Variants in SGCZ observed in about 807,000 individuals in gnomAD.
SGCZ encodes the protein zeta-sarcoglycan.
Under a neutral mutation model 41.3 loss-of-function variants are expected in SGCZ, and 40 were observed. That is an observed-to-expected ratio of 0.97 (90% CI 0.75 to 1.26). The LOEUF (loss-of-function observed/expected upper bound fraction) is 1.26, where lower values mean the gene tolerates loss of function less well. Among genes scored for constraint, SGCZ ranks in the 50% most tolerant of loss-of-function variants. SGCZ has a pLI of 0.00. For synonymous variants in SGCZ, 206 were observed against 137.5 expected (o/e 1.50, Z -3.49); for missense variants, 552 against 369.8 (o/e 1.49, Z -4.04).
intron 1 of SGCZ, among the ~76,000 whole-genome samples, chr8:14,806,006 G>A (rs1801511309): frequency 6.6e-6 from 1 of 150,946 alleles, no homozygotes; most frequent in Admixed American, 6.6e-5. Context: ...AATGAAGGCA[G>A]AAATAAAGAT....
intron 2 of SGCZ, among the ~76,000 whole-genome samples, chr8:14,416,403 T>C (rs1159704238): frequency 6.6e-6 from 1 of 151,818 alleles, no homozygotes; most frequent in African/African-American, 2.4e-5. Flanking sequence ...ATATTAGGAG[T>C]ATAAGCAAGA....
intron 1 of SGCZ, among the ~76,000 whole-genome samples, chr8:14,768,648 C>T (rs1030989506): frequency 6.6e-6 from 1 of 152,130 alleles, no homozygotes; most frequent in Non-Finnish European, 1.5e-5. Context: ...CACGTAGTCA[C>T]CATTTCTCAC....
chr8:14,618,079 A>G (rs1347085260), intron 1 of SGCZ, among the ~76,000 whole-genome samples: 1 of 136,228 alleles, frequency 7.3e-6, no homozygotes, highest in African/African-American at 2.6e-5. Context: ...ATGCCTTTTC[A>G]TATATCCAAC....
rs147116869 is a variant in SGCZ, at chr8:14,655,488, G to A, written c.40-100562C>T. Among the ~76,000 whole-genome samples, 207 of 152,194 alleles carry A rather than the reference G, an allele frequency of 1.4e-3. 2 individuals carry two copies. Among genetic ancestry groups the A allele is most frequent in the African/African-American group, 4.7e-3 (195 of 41,506 alleles). On this transcript the variant is annotated intron_variant, in intron 1 of 7. Coordinates refer to ENST00000382080, the MANE Select transcript of SGCZ (RefSeq NM_139167.4). ...ATTTCCAATGTGGTTTATATTAAAA[G>A]ATGTTATGAAAAATTCAACTTTGGT...
intron 2 of SGCZ, among the ~76,000 whole-genome samples, chr8:14,426,013 T>A (rs1799772920): frequency 6.6e-6 from 1 of 152,200 alleles, no homozygotes; most frequent in Admixed American, 6.5e-5. Context: ...TTAATTAACA[T>A]TAATTGCAAT....
intron 7 of SGCZ, among the ~76,000 whole-genome samples, chr8:14,094,064 C>T (rs1801769902): frequency 1.3e-5 from 2 of 152,048 alleles, no homozygotes. Flanking sequence ...AACCCACCTC[C>T]CAACAAAGCC....
At chr8:14,408,950 A>AGTGTGTGTGTGTGTGTGTGTGT (rs36121697) in intron 2 of SGCZ, among the ~76,000 whole-genome samples, 6 of 126,432 alleles carry the variant, frequency 4.7e-5, no homozygotes, top group South Asian at 2.4e-4. Context: ...TTAAATTAAG[A>AGTGTGTGTGTGTGTGTGTGTGT]GAGTGTGTGT....
At chr8:14,998,858 A>T (rs1802311044) in intron 1 of SGCZ, among the ~76,000 whole-genome samples, 2 of 152,202 alleles carry the variant, frequency 1.3e-5, no homozygotes, top group Non-Finnish European at 2.9e-5. Context: ...ATGTCTCTAT[A>T]TCATCCTAGC....
intron 1 of SGCZ, among the ~76,000 whole-genome samples, chr8:14,733,987 C>G (rs1238941913): frequency 6.6e-6 from 1 of 152,198 alleles, no homozygotes; most frequent in Non-Finnish European, 1.5e-5. Flanking sequence ...TATCTTCACT[C>G]CATAAATCAG....
intron 2 of SGCZ, among the ~76,000 whole-genome samples, chr8:14,456,683 G>A (rs760714498): frequency 1.1e-4 from 16 of 152,066 alleles, no homozygotes; most frequent in South Asian, 2.1e-4. Flanking sequence ...GAACTGTATC[G>A]CACTTTTCTG....
intron 2 of SGCZ, among the ~76,000 whole-genome samples, chr8:14,518,195 AT>A (rs952090569): frequency 5.3e-4 from 81 of 152,126 alleles, no homozygotes; most frequent in African/African-American, 1.9e-3. Context: ...GTAAGGGAAG[AT>A]TTTTAATAAA....
intron 4 of SGCZ, among the ~76,000 whole-genome samples, chr8:14,170,914 C>G (rs1804359276): frequency 1.3e-5 from 2 of 151,984 alleles, no homozygotes; most frequent in African/African-American, 4.8e-5. Context: ...TTGTGATTAA[C>G]TGCATTTCAG....
intron 1 of SGCZ, among the ~76,000 whole-genome samples, chr8:14,733,998 T>G (rs1183238233): frequency 6.6e-6 from 1 of 152,140 alleles, no homozygotes; most frequent in East Asian, 1.9e-4. Flanking sequence ...CATAAATCAG[T>G]TAATGGAGAA....
In SGCZ at chr8:14,304,156, A is replaced by G. The variant is rs557464917; in HGVS notation, c.336+19947T>C. On this transcript the variant is annotated intron_variant, in intron 3 of 7. Coordinates refer to ENST00000382080, the MANE Select transcript of SGCZ (RefSeq NM_139167.4). ...AGCATTCCTATTTTCAAATGAAAAT[A>G]TAGGTGCTGGATGTTGTAGCTCCCA... Among the ~76,000 whole-genome samples the G allele has an allele frequency of 3.9e-5, 6 of 152,240 alleles. No homozygotes were observed. The South Asian group carries it at 8.3e-4, about 21-fold the overall frequency.
intron 1 of SGCZ, among the ~76,000 whole-genome samples, chr8:14,925,110 A>T (rs1441823893): frequency 6.6e-6 from 1 of 151,962 alleles, no homozygotes; most frequent in Non-Finnish European, 1.5e-5. Context: ...CACCTGCCTC[A>T]CCCTCCCAAA....
chr8:14,926,278 A>G (rs1799747253), intron 1 of SGCZ, among the ~76,000 whole-genome samples: 2 of 152,208 alleles, frequency 1.3e-5, no homozygotes, highest in Non-Finnish European at 1.5e-5. Flanking sequence ...ATAATAAAAG[A>G]TCATCGAAAA....
intron 1 of SGCZ, among the ~76,000 whole-genome samples, chr8:15,159,610 T>A (rs1293379982): frequency 6.6e-6 from 1 of 152,098 alleles, no homozygotes. Context: ...GTGGGCAACC[T>A]CTCCCATATA....
At chr8:14,158,007 C>T (rs1168577692) in intron 5 of SGCZ, among the ~76,000 whole-genome samples, 2 of 152,040 alleles carry the variant, frequency 1.3e-5, no homozygotes, top group African/African-American at 4.8e-5. Context: ...CATGGTGAAA[C>T]CCCCGTCTCT....
intron 1 of SGCZ, among the ~76,000 whole-genome samples, chr8:14,938,936 G>A (rs1033309306): frequency 6.6e-6 from 1 of 152,110 alleles, no homozygotes; most frequent in African/African-American, 2.4e-5. Context: ...AAAGGGCTAA[G>A]GGTACTGCAT....
Sources: gnomAD v4.1 joint callset for allele counts (sites outside exome capture counted in the v4.1 genomes callset) on GRCh38, gnomAD v4.1.1 for gene constraint, MANE v1.5 for transcripts, NCBI Gene and HGNC (gene_info 2026-07-23, HGNC 2026-07-21) for gene names.